Variants in CPQ observed in about 807,000 individuals in gnomAD.
CPQ encodes the protein carboxypeptidase Q, also known as Ser-Met dipeptidase.
CPQ carries 37 observed loss-of-function variants against 45.7 expected under a neutral mutation model. That is an observed-to-expected ratio of 0.81 (90% confidence interval 0.62 to 1.07). The LOEUF (loss-of-function observed/expected upper bound fraction) is 1.07, where lower values mean the gene tolerates loss of function less well. CPQ is among the 50% of genes least tolerant of loss of function. The pLI is 0.00. For synonymous variants in CPQ, 186 were observed against 205.8 expected (o/e 0.90, Z 0.82); for missense variants, 537 against 572.9 (o/e 0.94, Z 0.64).
chr8:97,041,810 C>T (rs537772694), intron 6 of CPQ, among the ~76,000 whole-genome samples: 1 of 152,318 alleles, frequency 6.6e-6, no homozygotes, highest in Non-Finnish European at 1.5e-5. Context: ...TATATTGAAC[C>T]AGCCTTGCAT....
chr8:96,868,008 G>A (rs1218570222), intron 3 of CPQ, among the ~76,000 whole-genome samples: 1 of 151,924 alleles, frequency 6.6e-6, no homozygotes, highest in Non-Finnish European at 1.5e-5. Context: ...GTTTGGGTGA[G>A]GACATGTGAC....
chr8:96,914,782 C>A (rs1396888467), intron 4 of CPQ, among the ~76,000 whole-genome samples: 1 of 152,126 alleles, frequency 6.6e-6, no homozygotes, highest in Non-Finnish European at 1.5e-5. Context: ...GTGGCATACT[C>A]AGATGCCAGG....
chr8:97,140,037 A>T (rs1291705209), intron 7 of CPQ, among the ~76,000 whole-genome samples: 1 of 151,814 alleles, frequency 6.6e-6, no homozygotes, highest in East Asian at 1.9e-4. Flanking sequence ...GAAGACACTG[A>T]TAATCAACAT....
intron 7 of CPQ, among the ~76,000 whole-genome samples, chr8:97,092,039 G>A (rs963026982): frequency 8.5e-5 from 13 of 152,114 alleles, no homozygotes; most frequent in Admixed American, 5.9e-4. Context: ...TTGTATGTAT[G>A]TACATACGTA....
At chr8:96,995,679 AC>A (rs1213650670) in intron 5 of CPQ, among the ~76,000 whole-genome samples, 1 of 151,312 alleles carries the variant, frequency 6.6e-6, no homozygotes, top group Non-Finnish European at 1.5e-5. Context: ...TAAAAAAAAA[AC>A]ACTTCTATTT....
chr8:96,893,381 T>C (rs192531003), intron 4 of CPQ, among the ~76,000 whole-genome samples: 51 of 152,254 alleles, frequency 3.3e-4, no homozygotes, highest in African/African-American at 1.1e-3. Flanking sequence ...ATAAAGAAGA[T>C]AAAAGGGTCC....
chr8:97,102,323 C>T, intron 7 of CPQ, among the ~76,000 whole-genome samples: 1 of 152,144 alleles, frequency 6.6e-6, no homozygotes, highest in East Asian at 1.9e-4. Flanking sequence ...CACCCCCATC[C>T]AACCATCACT....
At chr8:96,986,466 T>C (rs1306297421) in intron 5 of CPQ, among the ~76,000 whole-genome samples, 1 of 152,194 alleles carries the variant, frequency 6.6e-6, no homozygotes, top group East Asian at 1.9e-4. Flanking sequence ...TATACGGATT[T>C]TTTTTTGCAA....
At chr8:96,753,875 G>T (rs964914872) in intron 1 of CPQ, among the ~76,000 whole-genome samples, 1 of 151,614 alleles carries the variant, frequency 6.6e-6, no homozygotes, top group East Asian at 1.9e-4. Context: ...TGGCCTAAAA[G>T]AAATTAGGAA....
intron 4 of CPQ, among the ~76,000 whole-genome samples, chr8:96,880,273 G>C (rs1285757189): frequency 3.3e-5 from 5 of 151,952 alleles, no homozygotes; most frequent in Non-Finnish European, 7.4e-5. Context: ...TGTTGTTGGA[G>C]GGACTGTAAA....
intron 3 of CPQ, among the ~76,000 whole-genome samples, chr8:96,848,908 A>G (rs1273766993): frequency 2.0e-5 from 3 of 152,112 alleles, no homozygotes; most frequent in African/African-American, 4.8e-5. Flanking sequence ...TCTTTTCTCA[A>G]GGTGATGTAC....
rs1034006783 is a variant in CPQ, at chr8:96,681,441, TGA to T, written c.-35+36041_-35+36042del. 4.5e-4 allele frequency among the ~76,000 whole-genome samples: 68 copies of T among 152,262 alleles called. 1 individual carries two copies. Among genetic ancestry groups the T allele is most frequent in the African/African-American group, 1.6e-3 (66 of 41,554 alleles). On this transcript the variant is annotated intron_variant, in intron 1 of 7. Transcript: ENST00000220763. ...AGCCTTGGCATCTTCCACATAGTGT[TGA>T]GTCTGTAGGTACACAGAAGTCAAGA...
chr8:96,651,735 T>C (rs1815578960), intron 1 of CPQ, among the ~76,000 whole-genome samples: 1 of 152,106 alleles, frequency 6.6e-6, no homozygotes, highest in Non-Finnish European at 1.5e-5. Flanking sequence ...ATGTTATGTA[T>C]GAATATATAT....
chr8:96,769,626 A>ATTT lies in CPQ; in HGVS notation c.-34-15217_-34-15215dup, dbSNP rs34672966. On this transcript the variant is annotated intron_variant, in intron 1 of 7. Coordinates refer to ENST00000220763, the MANE Select transcript of CPQ (RefSeq NM_016134.4). ...GTTCATAGTTGGTTCTGTTTACTGG[A>ATTT]TTTTTTTTTTTTTTTTTTTTTTTGA... is the stretch of plus-strand genomic sequence containing the variant. Among the ~76,000 whole-genome samples, 581 of 112,634 alleles carry ATTT rather than the reference A, an allele frequency of 5.2e-3. 6 individuals are homozygous for ATTT. The highest frequency in any genetic ancestry group is 0.017 in the African/African-American group (506 of 29,614). The allele number at this position is 112,634 out of a possible 152,430, so 73.9% of individuals were successfully genotyped here.
chr8:96,878,881 A>G (rs537524345), intron 3 of CPQ, among the ~76,000 whole-genome samples: 7 of 152,364 alleles, frequency 4.6e-5, no homozygotes, highest in Admixed American at 3.9e-4. Flanking sequence ...TTTTTAGCCT[A>G]TGCTTTAACA....
Position 97,063,211 on chromosome 8 carries a change from T to C in CPQ, c.1054-2798T>C, listed in dbSNP as rs547910684. 7.9e-5 allele frequency among the ~76,000 whole-genome samples: 12 copies of C among 152,358 alleles called. No homozygotes were observed. In the East Asian group the frequency reaches 2.3e-3, roughly 29 times the overall value. ...ATGGTATCTCATTGTGGTTTTGATT[T>C]GCATTTCTCTAATGGTCAGTAATAT... On this transcript the variant is annotated intron_variant, in intron 6 of 7. Transcript: ENST00000220763.
rs572152260 is a variant in CPQ, at chr8:96,718,649, G to T, written c.-34-66215G>T. The stretch of plus-strand genomic sequence containing the variant: ...CCAAGTGGGTTGCCACTGCTGGCTC[G>T]GGCAGCCTGCTTTTATTCTCTTATC... On this transcript the variant is annotated intron_variant, in intron 1 of 7. Transcript: ENST00000220763. 3.0e-4 allele frequency among the ~76,000 whole-genome samples: 45 copies of T among 152,214 alleles called. No individual in the cohort carries two copies. In the South Asian group the frequency reaches 8.9e-3, roughly 30 times the overall value.
intron 7 of CPQ, among the ~76,000 whole-genome samples, chr8:97,123,029 A>AAAATAAAAT: frequency 1.7e-5 from 1 of 60,076 alleles, no homozygotes; most frequent in Admixed American, 2.3e-4. Context: ...TAAAATAAAT[A>AAAATAAAAT]AAATAAAATA....
At chr8:96,898,279 T>C (rs918445516) in intron 4 of CPQ, among the ~76,000 whole-genome samples, 2 of 152,120 alleles carry the variant, frequency 1.3e-5, no homozygotes, top group African/African-American at 4.8e-5. Flanking sequence ...TCTCACTGAG[T>C]TATTTGAGGA....
Sources: gnomAD v4.1 joint callset for allele counts (sites outside exome capture counted in the v4.1 genomes callset) on GRCh38, gnomAD v4.1.1 for gene constraint, MANE v1.5 for transcripts, NCBI Gene and HGNC (gene_info 2026-07-23, HGNC 2026-07-21) for gene names.